Variants in KDM2A observed in about 807,000 individuals in gnomAD.
KDM2A encodes lysine-specific demethylase 2A.
KDM2A carries 3 observed loss-of-function variants against 137.3 expected under a neutral mutation model. That is an observed-to-expected ratio of 0.02 (90% CI 0.01 to 0.06). The LOEUF is 0.06. KDM2A is among the 10% of genes least tolerant of loss of function. KDM2A has a pLI of 1.00. For missense variants in KDM2A, 738 were observed against 1,510.6 expected (o/e 0.49, Z 8.48); for synonymous variants, 512 against 541.5 (o/e 0.95, Z 0.76).
intron 2 of KDM2A, among the ~76,000 whole-genome samples, chr11:67,161,267 C>T (rs1387170011): frequency 1.3e-5 from 2 of 152,158 alleles, no homozygotes; most frequent in Non-Finnish European, 1.5e-5. Flanking sequence ...GTGATGACAG[C>T]ATGATCATGG....
At chr11:67,147,940 G>T (rs1856293158) in intron 2 of KDM2A, among the ~76,000 whole-genome samples, 2 of 152,028 alleles carry the variant, frequency 1.3e-5, no homozygotes, top group Non-Finnish European at 2.9e-5. Flanking sequence ...ACTTCCCAAA[G>T]TGCGGGGATT....
chr11:67,178,087 C>T (rs896228749), intron 2 of KDM2A, among the ~76,000 whole-genome samples: 5 of 152,290 alleles, frequency 3.3e-5, no homozygotes, highest in Non-Finnish European at 5.9e-5. Context: ...ATAGAATTCT[C>T]ATACCATACA....
At chr11:67,142,881 AT>A (rs1856146037) in intron 2 of KDM2A, among the ~76,000 whole-genome samples, 2 of 151,980 alleles carry the variant, frequency 1.3e-5, no homozygotes, top group Non-Finnish European at 2.9e-5. Flanking sequence ...CCATATACCC[AT>A]TGCCAAGCTT....
intron 10 of KDM2A, among the ~76,000 whole-genome samples, chr11:67,227,573 T>TTTG (rs987932663): frequency 2.0e-5 from 3 of 152,134 alleles, no homozygotes; most frequent in Non-Finnish European, 2.9e-5. Context: ...AGTACCTTTT[T>TTTG]TTGTTGTTGT....
rs1555084878 is a variant in KDM2A at position 67,169,760 on chromosome 11, T to TCTCTC, written c.43-10319_43-10318insCTCTC. ...CTCTCTCTCTCTCTCTCTCTCTCTC[T>TCTCTC]TTTTTTTTTTTTTTTGAGACGGAGT... On this transcript the variant is annotated intron_variant, in intron 2 of 20. Transcript: ENST00000529006. Among the ~76,000 whole-genome samples, 6 of 19,660 alleles carry TCTCTC rather than the reference T, an allele frequency of 3.1e-4. No homozygotes were observed. In the Non-Finnish European group the frequency reaches 5.1e-3, roughly 17 times the overall value. The allele number at this position is 19,660 out of a possible 152,430, so 12.9% of individuals were successfully genotyped here. A position where few individuals can be genotyped will look rare whatever the true frequency, so the allele number is the denominator to read the frequency against.
chr11:67,250,308 C>T lies in KDM2A; in HGVS notation c.2278C>T (p.Arg760Trp), dbSNP rs1178323458. The change falls in exon 17 of 21, where the codon CGG becomes TGG. Residue 760 changes from arginine (R) to tryptophan (W), a missense_variant. Around this residue, in one of 9 missense-constraint regions of KDM2A, gnomAD observed 244 missense variants for 324.6 expected, o/e 0.75. Transcript: ENST00000529006. The surrounding 1 kb of genome is among the most constrained non-coding windows in gnomAD (Gnocchi z 7.1). ...CAGCCGCGATGAGCGCTTCAAACGG[C>T]GGCAGTTGCTGCGGCTGCAGGCCAC... ...SASRDERFKR[R>W]QLLRLQATER... 2 of 1,613,814 alleles carry T rather than the reference C, an allele frequency of 1.2e-6. No individual in the cohort carries two copies. The highest frequency in any genetic ancestry group is 3.3e-5 in the Admixed American group (2 of 60,006).
chr11:67,215,871 T>C lies in KDM2A; in HGVS notation c.609T>C (p.Ser203=), dbSNP rs200143814. 7.1e-5 allele frequency: 115 copies of C among 1,613,770 alleles called. No homozygotes were observed. The Admixed American group carries it at 1.1e-3, about 16-fold the overall frequency. Reference sequence around the variant, plus strand: ...TTTGGGTCAGGTACTGTCTAATGAGTGTTCGAGGCTGCTATACTGACTTCC... The same window carrying C: ...TTTGGGTCAGGTACTGTCTAATGAGCGTTCGAGGCTGCTATACTGACTTCC... The part of the protein sequence containing the change: ...YPKVQKYCLM[S]VRGCYTDFHV... Residue 203 remains serine, a synonymous_variant, in exon 8 of 21, where the codon AGT becomes AGC. Coordinates refer to ENST00000529006, the MANE Select transcript of KDM2A (RefSeq NM_012308.3).
intron 2 of KDM2A, among the ~76,000 whole-genome samples, chr11:67,179,805 T>G (rs746057378): frequency 2.4e-4 from 36 of 152,226 alleles, no homozygotes; most frequent in Admixed American, 1.3e-3. Context: ...TAGACCCTCT[T>G]TGGTCCTGTT....
chr11:67,151,839 G>T (rs1856397666), intron 2 of KDM2A, among the ~76,000 whole-genome samples: 1 of 151,878 alleles, frequency 6.6e-6, no homozygotes, highest in Admixed American at 6.6e-5. Context: ...TGAACTCCTG[G>T]GCTTAAGCAA....
intron 6 of KDM2A, among the ~76,000 whole-genome samples, chr11:67,212,660 A>T (rs76717961): frequency 0.018 from 2,775 of 152,240 alleles, 83 homozygotes; most frequent in African/African-American, 0.063. Context: ...AAGCACGAAC[A>T]TGTTACCACA....
At chr11:67,156,913 C>G (rs553002503) in intron 2 of KDM2A, among the ~76,000 whole-genome samples, 1 of 151,428 alleles carries the variant, frequency 6.6e-6, no homozygotes, top group South Asian at 2.1e-4. Context: ...GAAATAGGAG[C>G]TTCAGTGCCC....
At chr11:67,198,030 T>C (rs184967657) in intron 5 of KDM2A, among the ~76,000 whole-genome samples, 1 of 152,338 alleles carries the variant, frequency 6.6e-6, no homozygotes, top group Admixed American at 6.5e-5. Context: ...AACATTTGTT[T>C]ACTATTAAGA....
intron 6 of KDM2A, among the ~76,000 whole-genome samples, chr11:67,211,447 C>T (rs143630813): frequency 6.6e-6 from 1 of 151,732 alleles, no homozygotes; most frequent in African/African-American, 2.4e-5. Flanking sequence ...AACCCCGCCT[C>T]TACTAAAAAT....
At chr11:67,240,313 A>G in intron 12 of KDM2A, 1 of 1,535,544 alleles carries the variant, frequency 6.5e-7, no homozygotes, top group Non-Finnish European at 8.7e-7. Flanking sequence ...CAAAACAAAG[A>G]CGCTGGGGAA....
chr11:67,193,538 G>A (rs1042567363), intron 5 of KDM2A, among the ~76,000 whole-genome samples: 3 of 152,096 alleles, frequency 2.0e-5, no homozygotes, highest in African/African-American at 7.2e-5. Flanking sequence ...CCATGTTGTT[G>A]GAGACAGTAT....
At chr11:67,157,079 C>T (rs760135764) in intron 2 of KDM2A, among the ~76,000 whole-genome samples, 11 of 151,840 alleles carry the variant, frequency 7.2e-5, no homozygotes, top group Non-Finnish European at 1.5e-4. Flanking sequence ...TTTGGGAGGC[C>T]GAGAAGGGCC....
intron 13 of KDM2A, among the ~76,000 whole-genome samples, 155 bp downstream of exon 13, chr11:67,243,247 G>A (rs995717831): frequency 5.3e-5 from 8 of 152,144 alleles, no homozygotes; most frequent in South Asian, 2.1e-4. Flanking sequence ...GTTTTGACTC[G>A]TAGGTCAGGG....
At chr11:67,120,621 T>C (rs1404650026) in intron 1 of KDM2A, among the ~76,000 whole-genome samples, 1 of 152,146 alleles carries the variant, frequency 6.6e-6, no homozygotes, top group East Asian at 1.9e-4. Flanking sequence ...CCTCTGAAAT[T>C]TGTTTCAGAG....
chr11:67,205,175 C>T (rs1857765244), intron 5 of KDM2A, among the ~76,000 whole-genome samples: 1 of 152,120 alleles, frequency 6.6e-6, no homozygotes, highest in Non-Finnish European at 1.5e-5. Flanking sequence ...CATTATTTTC[C>T]ATTTTTTAAA....
Sources: allele counts gnomAD v4.1 joint callset (sites outside exome capture counted in the v4.1 genomes callset), GRCh38; gene constraint gnomAD v4.1.1; regional missense constraint gnomAD v4.1.1; non-coding constraint Gnocchi (gnomAD v3.1); transcripts MANE v1.5; gene names NCBI Gene and HGNC (gene_info 2026-07-23, HGNC 2026-07-21).